The following PSTPIP1 variants were observed in gnomAD, a reference collection of about 807,000 sequenced individuals.
The protein encoded by PSTPIP1 is proline-serine-threonine phosphatase-interacting protein 1.
A neutral mutation model predicts 69.6 loss-of-function variants in PSTPIP1; 66 were observed. That is an observed-to-expected ratio of 0.95 (90% CI 0.78 to 1.16). The LOEUF (loss-of-function observed/expected upper bound fraction) is 1.16. PSTPIP1 is among the 50% of genes most tolerant of loss of function. The pLI is 0.00. For missense variants in PSTPIP1, 603 were observed against 557.4 expected (o/e 1.08, Z -0.82); for synonymous variants, 266 against 222.7 (o/e 1.19, Z -1.73).
chr15:77,025,710 A>C, intron 5 of PSTPIP1, 106 bp downstream of exon 5: 1 of 402,880 alleles, frequency 2.5e-6, no homozygotes, highest in Non-Finnish European at 4.9e-6. Context: ...GGAGGGCGGC[A>C]GGGGTGGTGG....
rs1196667289 is a variant in PSTPIP1 at position 77,027,607 on chromosome 15, C to T, written c.355-245C>T. On this transcript the variant is annotated intron_variant, in intron 5 of 14. Transcript: ENST00000558012. The surrounding 1 kb of genome is among the most constrained non-coding windows in gnomAD (Gnocchi z 4.3). ...GGGGTGGGAACTCCCCAGCTGGAGA[C>T]GAAGCTCTGGCCAAGGTCTGCAGCA... 1.9e-5 allele frequency: 10 copies of T among 532,856 alleles called. No homozygotes were observed. Among genetic ancestry groups the T allele is most frequent in the East Asian group, 3.6e-5 (1 of 27,844 alleles). The allele number at this position is 532,856 out of a possible 1,614,324, so 33.0% of individuals were successfully genotyped here.
intron 9 of PSTPIP1, 41 bp from the exon 10 acceptor site, chr15:77,031,139 A>G (rs374959699): frequency 4.4e-6 from 7 of 1,581,440 alleles, no homozygotes; most frequent in African/African-American, 1.3e-5. Context: ...CGGGCCCTGC[A>G]GCCGCCTCCT....
chr15:77,004,779 G>T (rs1283490761), intron 1 of PSTPIP1, among the ~76,000 whole-genome samples: 1 of 151,900 alleles, frequency 6.6e-6, no homozygotes, highest in Non-Finnish European at 1.5e-5. Context: ...AGGGTCACTT[G>T]AGCCCAGGAG....
chr15:77,031,944 A>C (rs1568519665), intron 10 of PSTPIP1, among the ~76,000 whole-genome samples: 1 of 152,096 alleles, frequency 6.6e-6, no homozygotes, highest in South Asian at 2.1e-4. Flanking sequence ...TTGAGGTAGA[A>C]GGGCGAGCTC....
intron 1 of PSTPIP1, among the ~76,000 whole-genome samples, chr15:77,012,539 A>C (rs1175079402): frequency 5.3e-5 from 8 of 151,690 alleles, no homozygotes; most frequent in Non-Finnish European, 8.8e-5. Flanking sequence ...TCATCCATCC[A>C]TCCATCCATC....
chr15:77,017,475 A>T (rs574099259), intron 1 of PSTPIP1, among the ~76,000 whole-genome samples: 1 of 152,142 alleles, frequency 6.6e-6, no homozygotes, highest in Non-Finnish European at 1.5e-5. Flanking sequence ...GTGCTTGCGC[A>T]TGCTCTGACC....
intron 1 of PSTPIP1, among the ~76,000 whole-genome samples, chr15:77,017,828 G>A (rs2076082215): frequency 1.3e-5 from 2 of 152,210 alleles, no homozygotes; most frequent in South Asian, 2.1e-4. Flanking sequence ...TCATCAGGGG[G>A]ACTTAAGGGT....
chr15:77,035,752 G>A (rs1351260276), intron 13 of PSTPIP1, 50 bp from the exon 14 acceptor site: 2 of 1,470,786 alleles, frequency 1.4e-6, no homozygotes, highest in Non-Finnish European at 1.8e-6. Flanking sequence ...GGACTTCCAG[G>A]GGCCAGTGTC....
chr15:77,028,589 G>C lies in PSTPIP1; in HGVS notation c.453G>C (p.Ala151=), dbSNP rs1420083735. 1 of 1,603,238 alleles carries C rather than the reference G, an allele frequency of 6.2e-7. No homozygotes were observed. Among genetic ancestry groups the C allele is most frequent in the Non-Finnish European group, 8.5e-7 (1 of 1,175,690 alleles). ...CATACGAGCAGAAGTGCCGGGACGC[G>C]GACGACGCGGAGCAGGCCTTCGAGC... The part of the protein sequence containing the change: ...KKTYEQKCRD[A]DDAEQAFERI... The change falls in exon 7 of 15, where the codon GCG becomes GCC. Residue 151 remains alanine, a synonymous_variant. Coordinates refer to ENST00000558012, the MANE Select transcript of PSTPIP1 (RefSeq NM_003978.5).
intron 10 of PSTPIP1, 87 bp downstream of exon 10, chr15:77,031,365 C>T (rs2076412751): frequency 1.4e-6 from 2 of 1,391,850 alleles, no homozygotes; most frequent in South Asian, 2.3e-5. Context: ...GGTCAACAAG[C>T]ACCTGGTCCT....
chr15:77,006,540 C>G (rs534863841), intron 1 of PSTPIP1, among the ~76,000 whole-genome samples: 19 of 152,314 alleles, frequency 1.2e-4, no homozygotes, highest in African/African-American at 4.3e-4. Flanking sequence ...TATCATGAAG[C>G]TTTCCCTATG....
rs998704661 is a variant in PSTPIP1 at position 77,032,148 on chromosome 15, C to T, written c.742-150C>T. 8.6e-6 allele frequency: 6 copies of T among 697,874 alleles called. No individual in the cohort carries two copies. The African/African-American group carries it at 8.9e-5, about 10-fold the overall frequency. The allele number at this position is 697,874 out of a possible 1,614,324, so 43.2% of individuals were successfully genotyped here. A position where few individuals can be genotyped will look rare whatever the true frequency, so the allele number is the denominator to read the frequency against. On this transcript the variant is annotated intron_variant, in intron 10 of 14. Coordinates refer to ENST00000558012, the MANE Select transcript of PSTPIP1 (RefSeq NM_003978.5). ...TGTTCAGGAAACAGGAAGCTGTCAG[C>T]CAGGGCCGTGACCCCTCAGGATCAA...
chr15:77,026,337 C>A (rs991848925), intron 5 of PSTPIP1, among the ~76,000 whole-genome samples: 20 of 152,110 alleles, frequency 1.3e-4, no homozygotes, highest in African/African-American at 4.6e-4. Context: ...GAGGGTGGTG[C>A]CCTGCACAGG....
At position 76,995,361 on chromosome 15, in the gene PSTPIP1, T is replaced by C; in HGVS notation, c.-213T>C. 7.0e-7 allele frequency: 1 copy of C among 1,432,400 alleles called. No individual in the cohort carries two copies. The highest frequency in any genetic ancestry group is 2.5e-5 in the East Asian group (1 of 39,558). 88.7% of individuals were successfully genotyped at this position (1,432,400 alleles called of 1,614,324 possible). A position where few individuals can be genotyped will look rare whatever the true frequency, so the allele number is the denominator to read the frequency against. ...CACTCCTTCCTCATTTTGCTGCTGATTCTAGCCCCAAACAAAACAGGTTGA... is the reference window on the plus strand; with the variant it reads ...CACTCCTTCCTCATTTTGCTGCTGACTCTAGCCCCAAACAAAACAGGTTGA... On this transcript the variant is annotated 5_prime_UTR_variant, in exon 1 of 15. Transcript: ENST00000558012.
intron 12 of PSTPIP1, among the ~76,000 whole-genome samples, chr15:77,033,310 T>G (rs2152689923): frequency 6.6e-6 from 1 of 152,312 alleles, no homozygotes; most frequent in East Asian, 1.9e-4. Flanking sequence ...GACTGGGGCA[T>G]CTGGAGAATT....
rs930271257 is a variant in PSTPIP1 at position 77,027,983 on chromosome 15, G to C, written c.417+69G>C. ...GCGCAGGTCTCAGGGTGCGATCCTGGGCTGTGGCCCCGGGCAGGGCATTTG... is the reference window on the plus strand; with the variant it reads ...GCGCAGGTCTCAGGGTGCGATCCTGCGCTGTGGCCCCGGGCAGGGCATTTG... On this transcript the variant is annotated intron_variant, in intron 6 of 14. Transcript: ENST00000558012. This position sits in a 1 kb window ranked among gnomAD's most constrained non-coding sequence, Gnocchi z 4.3. 3.6e-5 allele frequency: 50 copies of C among 1,374,904 alleles called. No homozygotes were observed. Among genetic ancestry groups the C allele is most frequent in the Non-Finnish European group, 9.1e-6 (9 of 989,598 alleles). The allele number at this position is 1,374,904 out of a possible 1,614,324, so 85.2% of individuals were successfully genotyped here. A position where few individuals can be genotyped will look rare whatever the true frequency, so the allele number is the denominator to read the frequency against.
At chr15:77,019,478 CG>C (rs909873851) in intron 3 of PSTPIP1, among the ~76,000 whole-genome samples, 46 of 152,216 alleles carry the variant, frequency 3.0e-4, no homozygotes, top group African/African-American at 1.1e-3. Flanking sequence ...GGCACCCTGG[CG>C]GCTCCTGCTT....
At chr15:77,032,628 A>T in intron 11 of PSTPIP1, 1 of 619,528 alleles carries the variant, frequency 1.6e-6, no homozygotes, top group Non-Finnish European at 2.8e-6. Context: ...GATTGAGGTG[A>T]GGAGCTCCCA....
At chr15:77,000,476 T>TATACACACACACACACACAC (rs1033258180) in intron 1 of PSTPIP1, among the ~76,000 whole-genome samples, 1 of 146,794 alleles carries the variant, frequency 6.8e-6, no homozygotes, top group African/African-American at 2.6e-5. Context: ...TATATATATA[T>TATACACACACACACACACAC]ACACACACAC....
Sources: gnomAD v4.1 joint callset for allele counts (sites outside exome capture counted in the v4.1 genomes callset) on GRCh38, gnomAD v4.1.1 for gene constraint, Gnocchi (gnomAD v3.1) non-coding constraint, MANE v1.5 for transcripts, NCBI Gene and HGNC (gene_info 2026-07-23, HGNC 2026-07-21) for gene names.